The following MICU3 variants were observed in gnomAD, a reference collection of about 807,000 sequenced individuals.
The protein encoded by MICU3 is calcium uptake protein 3, mitochondrial.
In MICU3, 62 loss-of-function variants were observed where a neutral mutation model predicts 66.5. That is an observed-to-expected ratio of 0.93 (90% CI 0.76 to 1.15). MICU3 has a LOEUF of 1.15. MICU3 is among the 50% of genes most tolerant of loss of function. MICU3 has a pLI of 0.00. For synonymous variants in MICU3, 308 were observed against 240.7 expected (o/e 1.28, Z -2.59); for missense variants, 779 against 664.4 (o/e 1.17, Z -1.90).
At chr8:17,088,408 C>G (rs1247257234) in intron 7 of MICU3, among the ~76,000 whole-genome samples, 1 of 151,858 alleles carries the variant, frequency 6.6e-6, no homozygotes, top group Non-Finnish European at 1.5e-5. Flanking sequence ...GCAAAGAAGA[C>G]TAGAGAATTG....
intron 13 of MICU3, 26 bp from the exon 14 acceptor site, chr8:17,118,681 G>T (rs1357439723): frequency 2.7e-6 from 4 of 1,492,098 alleles, no homozygotes; most frequent in Non-Finnish European, 3.7e-6. Context: ...CTGTACATTT[G>T]CACACTTTGC....
chr8:17,097,690 T>C (rs1345170174), intron 8 of MICU3, among the ~76,000 whole-genome samples: 2 of 151,764 alleles, frequency 1.3e-5, no homozygotes, highest in Admixed American at 6.6e-5. Flanking sequence ...CTGTGAAATC[T>C]TCCCTGATAA....
rs146174263 is a variant in MICU3 at position 17,066,390 on chromosome 8, A to G, written c.535+2153A>G. 5.7e-3 allele frequency among the ~76,000 whole-genome samples: 860 copies of G among 151,674 alleles called. 9 individuals are homozygous for G. The highest frequency in any genetic ancestry group is 0.02 in the African/African-American group (817 of 41,386). On this transcript the variant is annotated intron_variant, in intron 2 of 14. Transcript: ENST00000318063. Reference sequence around the variant, plus strand: ...AAGGTAGAATATGGTTACCTGGCACATGATAGGTACACAATAAATATTTCT... The same window carrying G: ...AAGGTAGAATATGGTTACCTGGCACGTGATAGGTACACAATAAATATTTCT...
chr8:17,131,746 G>C, the MICU3 span: 1 of 152,246 alleles, frequency 6.6e-6, no homozygotes, highest in Non-Finnish European at 1.5e-5. Context: ...AATCATACCA[G>C]AACCAGGAAA....
chr8:17,033,407 G>C lies in MICU3; in HGVS notation c.381+5747G>C, dbSNP rs374219683. 1.5e-3 allele frequency among the ~76,000 whole-genome samples: 229 copies of C among 152,224 alleles called. 1 individual carries two copies. The highest frequency in any genetic ancestry group is 5.2e-3 in the African/African-American group (215 of 41,540). On this transcript the variant is annotated intron_variant, in intron 1 of 14. Transcript: ENST00000318063. ...CAAACCACAACATTCCCTTAAGACA[G>C]AGCTTAATCCAGATTAAGGCCTTAA...
chr8:17,034,273 A>G (rs182821762), intron 1 of MICU3, among the ~76,000 whole-genome samples: 1 of 152,362 alleles, frequency 6.6e-6, no homozygotes, highest in Admixed American at 6.5e-5. Context: ...CTGCTTAGAA[A>G]AAAAGATTCA....
intron 4 of MICU3, among the ~76,000 whole-genome samples, 177 bp downstream of exon 4, chr8:17,078,038 G>C (rs1820644152): frequency 6.6e-6 from 1 of 151,666 alleles, no homozygotes; most frequent in African/African-American, 2.4e-5. Context: ...TGTTGCTCTT[G>C]GGTAATTCCA....
intron 5 of MICU3, among the ~76,000 whole-genome samples, chr8:17,083,435 A>C (rs1237646284): frequency 1.3e-5 from 2 of 152,106 alleles, no homozygotes; most frequent in Non-Finnish European, 2.9e-5. Context: ...TCCCCAGGCA[A>C]GAAGGAGGTT....
At chr8:17,080,002 T>C (rs1445767728) in intron 4 of MICU3, among the ~76,000 whole-genome samples, 1 of 152,126 alleles carries the variant, frequency 6.6e-6, no homozygotes, top group Non-Finnish European at 1.5e-5. Context: ...TTTGTTTTGA[T>C]TGAATTTTCG....
downstream of MICU3, among the ~76,000 whole-genome samples, chr8:17,124,979 G>A (rs150638990): frequency 2.5e-4 from 38 of 151,912 alleles, no homozygotes; most frequent in African/African-American, 8.9e-4. Flanking sequence ...TGTTTGTGCT[G>A]AGCACTCAAC....
chr8:17,030,085 A>G (rs1014569450), intron 1 of MICU3, among the ~76,000 whole-genome samples: 1 of 152,128 alleles, frequency 6.6e-6, no homozygotes, highest in East Asian at 1.9e-4. Context: ...TTGATGAGTT[A>G]TAGCATTCTA....
intron 9 of MICU3, among the ~76,000 whole-genome samples, chr8:17,100,234 A>G (rs1801139923): frequency 6.6e-6 from 1 of 151,084 alleles, no homozygotes; most frequent in African/African-American, 2.4e-5. Flanking sequence ...CGGACAACTC[A>G]GTTTGCCAGC....
the MICU3 span, among the ~76,000 whole-genome samples, chr8:17,134,635 G>A: frequency 7.9e-5 from 12 of 151,990 alleles, no homozygotes; most frequent in South Asian, 4.1e-4. Flanking sequence ...TAGTAGAGAC[G>A]GGGTTTCACC....
chr8:17,054,101 A>G (rs1016655875), intron 1 of MICU3, among the ~76,000 whole-genome samples: 7 of 152,234 alleles, frequency 4.6e-5, no homozygotes, highest in African/African-American at 1.4e-4. Context: ...AAAATTTGCC[A>G]CATCTAAAAA....
chr8:17,124,701 G>A (rs757419771), downstream of MICU3, among the ~76,000 whole-genome samples: 79 of 151,710 alleles, frequency 5.2e-4, no homozygotes, highest in Middle Eastern at 3.4e-3. Context: ...TTGAGATCTC[G>A]TGTGCTGAAA....
intron 11 of MICU3, among the ~76,000 whole-genome samples, chr8:17,110,440 C>A (rs1347124637): frequency 1.3e-5 from 2 of 152,038 alleles, no homozygotes; most frequent in African/African-American, 4.8e-5. Context: ...TCCTCAGTCC[C>A]TGGCAACCAT....
intron 8 of MICU3, among the ~76,000 whole-genome samples, chr8:17,095,740 T>C (rs1312941454): frequency 6.6e-6 from 1 of 151,724 alleles, no homozygotes; most frequent in Non-Finnish European, 1.5e-5. Flanking sequence ...CTTTCCTCCT[T>C]CCCTCTTTAT....
chr8:17,122,255 G>C lies in MICU3; in HGVS notation c.*1968G>C, dbSNP rs946551643. On this transcript the variant is annotated 3_prime_UTR_variant, in exon 15 of 15. Coordinates refer to ENST00000318063, the MANE Select transcript of MICU3 (RefSeq NM_181723.3). ...AAAATAGAAAAGAAAGTAAATTACAGTGATTTCCATCATATTATCACTCTT... is the reference window on the plus strand; with the variant it reads ...AAAATAGAAAAGAAAGTAAATTACACTGATTTCCATCATATTATCACTCTT... The C allele has an allele frequency of 1.3e-5, 2 of 151,782 alleles. No individual in the cohort carries two copies. The highest frequency in any genetic ancestry group is 4.8e-5 in the African/African-American group (2 of 41,418). 9.4% of individuals were successfully genotyped at this position (151,782 alleles called of 1,614,324 possible).
chr8:17,038,059 A>T (rs1402961045), intron 1 of MICU3, among the ~76,000 whole-genome samples: 1 of 152,170 alleles, frequency 6.6e-6, no homozygotes, highest in Non-Finnish European at 1.5e-5. Context: ...GGCAGAAAGG[A>T]CTTGCCTTGT....
Sources: allele counts gnomAD v4.1 joint callset (sites outside exome capture counted in the v4.1 genomes callset), GRCh38; gene constraint gnomAD v4.1.1; transcripts MANE v1.5; gene names NCBI Gene and HGNC (gene_info 2026-07-23, HGNC 2026-07-21).